Variants in ZEB1 observed in about 807,000 individuals in gnomAD.
ZEB1 encodes the protein zinc finger E-box-binding homeobox 1.
In ZEB1, 21 loss-of-function variants were observed where a neutral mutation model predicts 84.9. The observed-to-expected ratio is 0.25, with a 90% CI of 0.18 to 0.36. The LOEUF is 0.36. ZEB1 is among the 10% of genes least tolerant of loss of function. The pLI is 1.00. For synonymous variants in ZEB1, 420 were observed against 471.1 expected, an observed-to-expected ratio of 0.89 and a Z score of 1.41; for missense variants, 1,104 against 1,330.2, an observed-to-expected ratio of 0.83 and a Z score of 2.65.
intron 1 of ZEB1, among the ~76,000 whole-genome samples, chr10:31,357,274 A>G (rs2042272730): frequency 6.6e-6 from 1 of 152,220 alleles, no homozygotes; most frequent in Non-Finnish European, 1.5e-5. Flanking sequence ...AACTTCAGCC[A>G]TCTGCGTGTG....
At chr10:31,321,893 T>A in intron 1 of ZEB1, 1 of 280,154 alleles carries the variant, frequency 3.6e-6, no homozygotes, top group South Asian at 4.8e-5. Flanking sequence ...TGCATGTATG[T>A]CAGCCCCCTC....
chr10:31,471,368 G>T (rs1418938360), intron 2 of ZEB1, among the ~76,000 whole-genome samples: 1 of 148,660 alleles, frequency 6.7e-6, no homozygotes, highest in Non-Finnish European at 1.5e-5. Flanking sequence ...GATGGAGGAA[G>T]ATCTACCAAG....
At chr10:31,453,586 A>C (rs2060847478) in intron 1 of ZEB1, among the ~76,000 whole-genome samples, 1 of 152,028 alleles carries the variant, frequency 6.6e-6, no homozygotes. Context: ...GCATGCAATC[A>C]TGTGCTAAAA....
intron 1 of ZEB1, among the ~76,000 whole-genome samples, chr10:31,446,855 G>A (rs1353956739): frequency 6.6e-6 from 1 of 151,756 alleles, no homozygotes; most frequent in African/African-American, 2.4e-5. Flanking sequence ...TTTTGGAATA[G>A]GTGTGGTGTG....
At chr10:31,506,689 G>T (rs1406795525) in intron 4 of ZEB1, among the ~76,000 whole-genome samples, 2 of 152,020 alleles carry the variant, frequency 1.3e-5, no homozygotes, top group African/African-American at 4.8e-5. Flanking sequence ...GCAGCACATA[G>T]CTGGGTCACA....
At chr10:31,512,867 A>G (rs1237654903) in intron 5 of ZEB1, among the ~76,000 whole-genome samples, 1 of 152,174 alleles carries the variant, frequency 6.6e-6, no homozygotes, top group Non-Finnish European at 1.5e-5. Context: ...GGAGAAGGGC[A>G]TTCCAGTCAG....
chr10:31,338,046 G>T (rs1008064172), intron 1 of ZEB1, among the ~76,000 whole-genome samples: 3 of 151,834 alleles, frequency 2.0e-5, no homozygotes, highest in African/African-American at 7.3e-5. Flanking sequence ...TATTTTTAGG[G>T]GTATAGGCAT....
At chr10:31,369,795 G>A (rs1269245282) in intron 1 of ZEB1, among the ~76,000 whole-genome samples, 1 of 152,016 alleles carries the variant, frequency 6.6e-6, no homozygotes, top group Non-Finnish European at 1.5e-5. Flanking sequence ...TTACCATAAT[G>A]GCTGAACTAA....
At chr10:31,385,981 C>T (rs558231857) in intron 1 of ZEB1, among the ~76,000 whole-genome samples, 63 of 151,984 alleles carry the variant, frequency 4.1e-4, no homozygotes, top group Middle Eastern at 3.4e-3. Context: ...AATGTACATA[C>T]GAAAATACAT....
chr10:31,413,780 T>G (rs1362761043), intron 1 of ZEB1, among the ~76,000 whole-genome samples: 1 of 152,176 alleles, frequency 6.6e-6, no homozygotes, highest in African/African-American at 2.4e-5. Context: ...AAGACTGCAA[T>G]TTAGTACAAT....
At chr10:31,392,837 A>T (rs575153563) in intron 1 of ZEB1, among the ~76,000 whole-genome samples, 207 of 151,542 alleles carry the variant, frequency 1.4e-3, no homozygotes, top group Non-Finnish European at 2.1e-3. Context: ...CCATATATAT[A>T]TTTTTTTGTT....
At chr10:31,407,365 G>A (rs185559483) in intron 1 of ZEB1, among the ~76,000 whole-genome samples, 4,949 of 150,868 alleles carry the variant, frequency 0.033, 264 homozygotes, top group African/African-American at 0.11. Flanking sequence ...TTGTTATTGC[G>A]ATAGTTTACT....
At chr10:31,320,244 G>C (rs1051549010) in intron 1 of ZEB1, 7 of 152,240 alleles carry the variant, frequency 4.6e-5, no homozygotes, top group Non-Finnish European at 2.9e-5. Context: ...GCGCGGATGG[G>C]GGCGAGCTGG....
At chr10:31,427,584 G>A (rs1331754228) in intron 1 of ZEB1, among the ~76,000 whole-genome samples, 1 of 152,104 alleles carries the variant, frequency 6.6e-6, no homozygotes, top group African/African-American at 2.4e-5. Context: ...CAGGCGCGGT[G>A]GCTCAACGCC....
intron 2 of ZEB1, among the ~76,000 whole-genome samples, chr10:31,475,535 G>T (rs558735173): frequency 5.3e-4 from 80 of 152,202 alleles, no homozygotes; most frequent in African/African-American, 1.9e-3. Flanking sequence ...AATCTTAAAG[G>T]CAGCTAGAGA....
At chr10:31,358,751 A>G (rs2042519206) in intron 1 of ZEB1, among the ~76,000 whole-genome samples, 1 of 152,202 alleles carries the variant, frequency 6.6e-6, no homozygotes, top group East Asian at 1.9e-4. Flanking sequence ...GCATGATTTT[A>G]AGAATCTGTT....
At chr10:31,361,138 G>T (rs976551680) in intron 1 of ZEB1, 9 of 1,611,976 alleles carry the variant, frequency 5.6e-6, no homozygotes, top group Non-Finnish European at 7.6e-6. Context: ...AGAACTGATT[G>T]AAGAGTGGCA....
intron 1 of ZEB1, among the ~76,000 whole-genome samples, chr10:31,431,735 A>T (rs534961767): frequency 6.6e-6 from 1 of 152,324 alleles, no homozygotes; most frequent in Non-Finnish European, 1.5e-5. Flanking sequence ...GAATAATTTT[A>T]ATACTTTAAT....
chr10:31,412,528 T>C (rs161250), intron 1 of ZEB1, among the ~76,000 whole-genome samples: 24,504 of 152,102 alleles, frequency 0.16, 4,400 homozygotes, highest in African/African-American at 0.45. Context: ...TCTGTCCTTG[T>C]GATAGTTTGC....
Sources: gnomAD v4.1 joint callset for allele counts (sites outside exome capture counted in the v4.1 genomes callset) on GRCh38, gnomAD v4.1.1 for gene constraint, MANE v1.5 for transcripts, NCBI Gene and HGNC (gene_info 2026-07-23, HGNC 2026-07-21) for gene names.